Variants in STX8 observed in about 807,000 individuals in gnomAD.
STX8 encodes the protein syntaxin 8.
In STX8, 23 loss-of-function variants were observed where a neutral mutation model predicts 37.5. The observed-to-expected ratio is 0.61, with a 90% CI of 0.44 to 0.87. The LOEUF is 0.87. Ranked by LOEUF, STX8 falls within the 40% of genes least tolerant of loss-of-function variation. The pLI is 0.00. For missense variants in STX8, 313 were observed against 284.7 expected (o/e 1.10, Z -0.71); for synonymous variants, 115 against 99.1 (o/e 1.16, Z -0.95).
chr17:9,466,300 C>T (rs539549746), intron 6 of STX8, among the ~76,000 whole-genome samples: 5 of 152,232 alleles, frequency 3.3e-5, no homozygotes, highest in Admixed American at 6.5e-5. Flanking sequence ...CTTTCTCATG[C>T]CCTGATATTC....
chr17:9,571,411 C>T (rs1160552812), intron 1 of STX8, among the ~76,000 whole-genome samples: 4 of 151,860 alleles, frequency 2.6e-5, no homozygotes, highest in Non-Finnish European at 5.9e-5. Context: ...AACCCTTGGC[C>T]TGGGGCAATA....
chr17:9,268,234 C>T (rs1907300777), intron 7 of STX8, among the ~76,000 whole-genome samples: 1 of 151,504 alleles, frequency 6.6e-6, no homozygotes, highest in East Asian at 1.9e-4. Context: ...AACACGAGAG[C>T]CTCAGAGTTG....
intron 7 of STX8, among the ~76,000 whole-genome samples, chr17:9,309,237 C>T (rs1044353353): frequency 3.3e-5 from 5 of 152,100 alleles, no homozygotes; most frequent in East Asian, 1.9e-4. Context: ...ATATCTTCCA[C>T]GAAGCAAACA....
chr17:9,511,709 C>T (rs1272061848), intron 4 of STX8, among the ~76,000 whole-genome samples: 1 of 152,042 alleles, frequency 6.6e-6, no homozygotes, highest in Non-Finnish European at 1.5e-5. Context: ...ATCACTCTTA[C>T]TCAACACAGT....
At chr17:9,533,204 C>G (rs547970699) in intron 4 of STX8, among the ~76,000 whole-genome samples, 1 of 152,202 alleles carries the variant, frequency 6.6e-6, no homozygotes, top group African/African-American at 2.4e-5. Context: ...CGATGGCTCA[C>G]GCCTTGTAAT....
intron 6 of STX8, among the ~76,000 whole-genome samples, chr17:9,419,135 C>G (rs1367192255): frequency 6.6e-6 from 1 of 151,894 alleles, no homozygotes; most frequent in African/African-American, 2.4e-5. Flanking sequence ...CTATGTTGTT[C>G]AGGCTGGTCC....
chr17:9,260,410 G>A (rs961777840), intron 7 of STX8, among the ~76,000 whole-genome samples: 7 of 152,156 alleles, frequency 4.6e-5, no homozygotes, highest in African/African-American at 1.7e-4. Flanking sequence ...GATCCCCTGA[G>A]GCCGGGAGTT....
intron 5 of STX8, among the ~76,000 whole-genome samples, chr17:9,492,270 C>T (rs1444583079): frequency 6.6e-6 from 1 of 152,116 alleles, no homozygotes; most frequent in East Asian, 1.9e-4. Flanking sequence ...CAGGCAAGAA[C>T]TTCACAATAA....
intron 4 of STX8, among the ~76,000 whole-genome samples, chr17:9,508,019 AAAGC>A (rs1451558952): frequency 2.0e-5 from 3 of 152,228 alleles, no homozygotes; most frequent in East Asian, 1.9e-4. Flanking sequence ...CGAACATGAA[AAAGC>A]AAGGAAACAT....
intron 2 of STX8, among the ~76,000 whole-genome samples, chr17:9,565,914 C>A (rs1567612521): frequency 6.6e-6 from 1 of 152,102 alleles, no homozygotes; most frequent in Non-Finnish European, 1.5e-5. Context: ...GATTTCAGGA[C>A]AAAGACATCA....
intron 7 of STX8, among the ~76,000 whole-genome samples, chr17:9,336,799 G>T (rs549382756): frequency 6.6e-6 from 1 of 152,132 alleles, no homozygotes; most frequent in African/African-American, 2.4e-5. Flanking sequence ...AAAGCTTCAG[G>T]GTGAAATGGT....
chr17:9,459,799 A>G (rs7207181), intron 6 of STX8, among the ~76,000 whole-genome samples: 44,913 of 152,192 alleles, frequency 0.3, 6,842 homozygotes, highest in African/African-American at 0.34. Context: ...ACAGGAGTGA[A>G]CCACCACGCC....
At chr17:9,537,895 ATTCT>A (rs1306503311) in intron 4 of STX8, among the ~76,000 whole-genome samples, 1 of 152,284 alleles carries the variant, frequency 6.6e-6, no homozygotes, top group South Asian at 2.1e-4. Context: ...TGATTGTATG[ATTCT>A]TTATTTCATG....
chr17:9,395,158 A>G (rs1038814652), intron 6 of STX8, among the ~76,000 whole-genome samples: 7 of 152,182 alleles, frequency 4.6e-5, no homozygotes, highest in Non-Finnish European at 2.9e-5. Flanking sequence ...TATAAATGTA[A>G]GTATATATTC....
rs540349898 is a variant in STX8, at chr17:9,536,910, ATTTT to A, written c.323+8258_323+8261del. 3.2e-4 allele frequency among the ~76,000 whole-genome samples: 48 copies of A among 151,840 alleles called. No individual in the cohort carries two copies. The South Asian group carries it at 8.8e-3, about 28-fold the overall frequency. On this transcript the variant is annotated intron_variant, in intron 4 of 7. Coordinates refer to ENST00000306357, the MANE Select transcript of STX8 (RefSeq NM_004853.3). ...AAGCGCCCGCCACCATGCCCGGCTA[ATTTT>A]TTTTATTATTTTTAGTAGAGACGGG... is the stretch of plus-strand genomic sequence containing the variant.
chr17:9,509,524 C>CT (rs1473069132), intron 4 of STX8, among the ~76,000 whole-genome samples: 4 of 152,072 alleles, frequency 2.6e-5, no homozygotes, highest in Non-Finnish European at 4.4e-5. Flanking sequence ...CTAGACCAGT[C>CT]TTACAAGAAG....
At chr17:9,274,194 C>T (rs1273866324) in intron 7 of STX8, among the ~76,000 whole-genome samples, 1 of 152,108 alleles carries the variant, frequency 6.6e-6, no homozygotes, top group Non-Finnish European at 1.5e-5. Flanking sequence ...TCTTAAGGTA[C>T]AGATAATGCC....
chr17:9,330,367 C>T (rs1377899489), intron 7 of STX8, among the ~76,000 whole-genome samples: 3 of 152,120 alleles, frequency 2.0e-5, no homozygotes, highest in Non-Finnish European at 2.9e-5. Context: ...TAGGCCCTGG[C>T]CTGGATGGAA....
At chr17:9,406,394 G>A (rs969675224) in intron 6 of STX8, among the ~76,000 whole-genome samples, 2 of 152,194 alleles carry the variant, frequency 1.3e-5, no homozygotes, top group Non-Finnish European at 2.9e-5. Flanking sequence ...AGGCAGAGAT[G>A]ATTAACATCA....
Sources: gnomAD v4.1 joint callset for allele counts (sites outside exome capture counted in the v4.1 genomes callset) on GRCh38, gnomAD v4.1.1 for gene constraint, MANE v1.5 for transcripts, NCBI Gene and HGNC (gene_info 2026-07-23, HGNC 2026-07-21) for gene names.